The following TUBB3 variants were observed in gnomAD, a reference collection of about 807,000 sequenced individuals.
The protein encoded by TUBB3 is tubulin beta 3 class III.
TUBB3 carries 17 observed loss-of-function variants against 37.8 expected under a neutral mutation model. The ratio of observed to expected loss-of-function variants is 0.45; its 90% CI spans 0.31 to 0.67. TUBB3 has a LOEUF of 0.67. TUBB3 is among the 30% of genes least tolerant of loss of function. The pLI is 0.07. For synonymous variants in TUBB3, 332 were observed against 278.9 expected, an observed-to-expected ratio of 1.19 and a Z score of -1.90; for missense variants, 262 against 657.9, an observed-to-expected ratio of 0.40 and a Z score of 6.58.
rs1446132251 is a variant in TUBB3 at position 89,935,036 on chromosome 16, C to T, written c.585C>T (p.Asn195=). Residue 195 remains asparagine, a synonymous_variant, in exon 4 of 4, where the codon AAC becomes AAT. Transcript: ENST00000315491. The part of the protein sequence containing the change: ...ATLSIHQLVE[N]TDETYCIDNE... ...TGTCCATCCACCAGCTGGTGGAGAACACGGATGAGACCTACTGCATCGACA... is the reference window on the plus strand; with the variant it reads ...TGTCCATCCACCAGCTGGTGGAGAATACGGATGAGACCTACTGCATCGACA... The T allele has an allele frequency of 1.2e-6, 2 of 1,614,094 alleles. No individual in the cohort carries two copies. The highest frequency in any genetic ancestry group is 2.7e-5 in the African/African-American group (2 of 74,936).
chr16:89,922,112 C>T (rs2029904234), upstream of TUBB3: 1 of 152,648 alleles, frequency 6.6e-6, no homozygotes, highest in Non-Finnish European at 1.5e-5. Context: ...GGAGGGGCAT[C>T]TCTTGAGAAC....
At chr16:89,934,037 C>T (rs2030367139) in intron 3 of TUBB3, 2 of 428,066 alleles carry the variant, frequency 4.7e-6, no homozygotes, top group African/African-American at 2.6e-5. Context: ...GTGGATGCCA[C>T]GTTCCCACGT....
At chr16:89,933,394 C>G in intron 2 of TUBB3, 74 bp from the exon 3 acceptor site, 1 of 1,244,042 alleles carries the variant, frequency 8.0e-7, no homozygotes, top group East Asian at 2.3e-5. Flanking sequence ...CAGGCGGGCA[C>G]AGAATTCAGA....
At chr16:89,924,112 C>T (rs2029984492) in intron 1 of TUBB3, among the ~76,000 whole-genome samples, 1 of 152,268 alleles carries the variant, frequency 6.6e-6, no homozygotes, top group African/African-American at 2.4e-5. Flanking sequence ...CACCCAGGGT[C>T]TACCAGTCTG....
chr16:89,930,229 C>T (rs953324044), intron 1 of TUBB3, among the ~76,000 whole-genome samples: 7 of 151,048 alleles, frequency 4.6e-5, no homozygotes, highest in Non-Finnish European at 7.4e-5. Context: ...CTCAGCCTCT[C>T]GAGTAGCTGG....
chr16:89,932,629 A>C lies in TUBB3; in HGVS notation c.116A>C (p.Asp39Ala). 1 of 1,614,010 alleles carries C rather than the reference A, an allele frequency of 6.2e-7. No individual in the cohort carries two copies. The highest frequency in any genetic ancestry group is 8.5e-7 in the Non-Finnish European group (1 of 1,180,010). ...GACCCCAGCGGCAACTACGTGGGCGACTCGGACTTGCAGCTGGAGCGGATC... is the reference window on the plus strand; with the variant it reads ...GACCCCAGCGGCAACTACGTGGGCGCCTCGGACTTGCAGCTGGAGCGGATC... ...GIDPSGNYVG[D>A]SDLQLERISV... The change falls in exon 2 of 4, where the codon GAC becomes GCC. Residue 39 changes from aspartate to alanine, a missense_variant. Physicochemically the swap from Asp to Ala is moderately radical, Grantham distance 126. Transcript: ENST00000315491.
intron 2 of TUBB3, chr16:89,932,979 C>A (rs2030328042): frequency 1.9e-6 from 1 of 518,442 alleles, no homozygotes; most frequent in African/African-American, 1.9e-5. Context: ...CATAAGAGGG[C>A]CTAGAGAAGG....
chr16:89,926,267 T>G (rs1401218835), intron 1 of TUBB3, among the ~76,000 whole-genome samples: 2 of 152,070 alleles, frequency 1.3e-5, no homozygotes, highest in Non-Finnish European at 2.9e-5. Flanking sequence ...GGGGCGGGGC[T>G]GGGGGCGGGG....
intron 1 of TUBB3, among the ~76,000 whole-genome samples, chr16:89,929,048 T>C (rs564987043): frequency 2.2e-4 from 33 of 150,476 alleles, no homozygotes; most frequent in African/African-American, 8.0e-4. Context: ...CTGCAACCTC[T>C]GCCCCCTGGG....
Position 89,935,855 on chromosome 16 carries a change from G to A in TUBB3, c.*51G>A. The A allele has an allele frequency of 1.3e-6, 2 of 1,574,646 alleles. No homozygotes were observed. The highest frequency in any genetic ancestry group is 1.2e-5 in the South Asian group (1 of 86,884). ...CAGGTGGCGGCCGGGGCCGAAGCCA[G>A]CAGTGTCTAAACCCCCGGAGCCATC... On this transcript the variant is annotated 3_prime_UTR_variant, in exon 4 of 4. Coordinates refer to ENST00000315491, the MANE Select transcript of TUBB3 (RefSeq NM_006086.4).
At position 89,935,968 on chromosome 16, in the gene TUBB3, C is replaced by G; in HGVS notation, c.*164C>G. ...TATGGCCTCGTCCTCCCCACCTAGG[C>G]CACGTGTGAGCTGCTCCTGTCTCTG... On this transcript the variant is annotated 3_prime_UTR_variant, in exon 4 of 4. Transcript: ENST00000315491. 8.4e-6 allele frequency: 7 copies of G among 832,070 alleles called. No homozygotes were observed. Among genetic ancestry groups the G allele is most frequent in the Non-Finnish European group, 1.3e-5 (7 of 539,772 alleles). 51.5% of individuals were successfully genotyped at this position (832,070 alleles called of 1,614,324 possible).
upstream of TUBB3, chr16:89,923,134 C>G (rs2029942867): frequency 5.8e-6 from 1 of 171,974 alleles, no homozygotes; most frequent in South Asian, 2.0e-4. Context: ...GCGCGGGGCC[C>G]TCAGACCGCG....
intron 1 of TUBB3, among the ~76,000 whole-genome samples, chr16:89,925,433 A>AG (rs907527445): frequency 1.3e-5 from 2 of 151,640 alleles, no homozygotes; most frequent in African/African-American, 4.9e-5. Context: ...TTCTTAAAAA[A>AG]AAAAAAAAAA....
intron 1 of TUBB3, among the ~76,000 whole-genome samples, chr16:89,925,284 T>C (rs2030032469): frequency 6.6e-6 from 1 of 152,180 alleles, no homozygotes; most frequent in African/African-American, 2.4e-5. Context: ...TTAATATATT[T>C]CTTTTTAAAA....
chr16:89,923,493 G>A, intron 1 of TUBB3, 35 bp downstream of exon 1: 2 of 1,406,964 alleles, frequency 1.4e-6, no homozygotes, highest in Non-Finnish European at 1.9e-6. Context: ...CCCGGGCCCC[G>A]GGGCGGGAGG....
intron 1 of TUBB3, among the ~76,000 whole-genome samples, chr16:89,927,208 C>T (rs752989199): frequency 6.6e-6 from 1 of 151,582 alleles, no homozygotes. Flanking sequence ...GACTCCGTGC[C>T]TACAAAAAAT....
chr16:89,923,274 G>A (rs1597417826), upstream of TUBB3: 1 of 682,472 alleles, frequency 1.5e-6, no homozygotes, highest in Non-Finnish European at 2.0e-6. Flanking sequence ...TTGGCCACCC[G>A]CGGTGACATC....
Position 89,923,472 on chromosome 16 carries a change from C to G in TUBB3, c.57+14C>G, listed in dbSNP as rs760044652. 1 of 1,470,488 alleles carries G rather than the reference C, an allele frequency of 6.8e-7. No homozygotes were observed. Among genetic ancestry groups the G allele is most frequent in the Non-Finnish European group, 9.0e-7 (1 of 1,108,370 alleles). 91.1% of individuals were successfully genotyped at this position (1,470,488 alleles called of 1,614,324 possible). On this transcript the variant is annotated intron_variant, in intron 1 of 3. Coordinates refer to ENST00000315491, the MANE Select transcript of TUBB3 (RefSeq NM_006086.4). Reference sequence around the variant, plus strand: ...ATCGGGGCCAAGGTGAGGCTGCGCGCCCCGGCCTGTCCCGGGCCCCGGGGC... The same window carrying G: ...ATCGGGGCCAAGGTGAGGCTGCGCGGCCCGGCCTGTCCCGGGCCCCGGGGC...
chr16:89,924,761 C>T (rs1218204372), intron 1 of TUBB3, among the ~76,000 whole-genome samples: 1 of 152,106 alleles, frequency 6.6e-6, no homozygotes, highest in Non-Finnish European at 1.5e-5. Flanking sequence ...GACAGCTGTG[C>T]CTGCCAAGGA....
Sources: allele counts gnomAD v4.1 joint callset (sites outside exome capture counted in the v4.1 genomes callset), GRCh38; gene constraint gnomAD v4.1.1; transcripts MANE v1.5; gene names NCBI Gene and HGNC (gene_info 2026-07-23, HGNC 2026-07-21).